Variants in SLC1A1 observed in about 807,000 individuals in gnomAD.
SLC1A1 encodes solute carrier family 1 member 1.
In SLC1A1, 43 loss-of-function variants were observed where a neutral mutation model predicts 53.3. The ratio of observed to expected loss-of-function variants is 0.81; its 90% confidence interval spans 0.63 to 1.04. SLC1A1 has a LOEUF of 1.04. Among genes scored for constraint, SLC1A1 ranks in the 50% least tolerant of loss-of-function variants. The pLI is 0.00. For synonymous variants in SLC1A1, 307 were observed against 243.2 expected (o/e 1.26, Z -2.44); for missense variants, 748 against 664.9 (o/e 1.12, Z -1.37).
At chr9:4,518,588 C>T (rs1728801604) in intron 1 of SLC1A1, among the ~76,000 whole-genome samples, 1 of 152,146 alleles carries the variant, frequency 6.6e-6, no homozygotes, top group Non-Finnish European at 1.5e-5. Flanking sequence ...CTTTCATTTG[C>T]TTAGAATCTG....
chr9:4,517,380 G>C (rs993671302), intron 1 of SLC1A1, among the ~76,000 whole-genome samples: 1 of 152,154 alleles, frequency 6.6e-6, no homozygotes, highest in Non-Finnish European at 1.5e-5. Context: ...CTGCCTACTA[G>C]AATACAATTT....
At chr9:4,495,365 A>G (rs1012644178) in intron 1 of SLC1A1, among the ~76,000 whole-genome samples, 1 of 152,234 alleles carries the variant, frequency 6.6e-6, no homozygotes, top group Non-Finnish European at 1.5e-5. Flanking sequence ...CAGCCGGGTC[A>G]CACAGCATGT....
At position 4,574,021 on chromosome 9, in the gene SLC1A1, C is replaced by CA; in HGVS notation, c.875+8dup. 7 of 1,575,180 alleles carry CA rather than the reference C, an allele frequency of 4.4e-6. No homozygotes were observed. Among genetic ancestry groups the CA allele is most frequent in the Non-Finnish European group, 5.2e-6 (6 of 1,144,552 alleles). On this transcript the variant is annotated splice_region_variant and intron_variant, in intron 8 of 11. Transcript: ENST00000262352. ...TGGCCACAGTCCTGACTGGGTATGT[C>CA]AGACTCAAGAGAAGAGACAGAAACC...
At position 4,567,707 on chromosome 9, in the gene SLC1A1, T is replaced by C. The variant is rs777850698; in HGVS notation, c.522T>C (p.Asp174=). Residue 174 remains aspartate, a synonymous_variant, in exon 6 of 12, where the codon GAT becomes GAC. Transcript: ENST00000262352. ...GTGAAGAAGTGAAGCCTCCCAGCGA[T>C]CCAGAGATGAACATGACAGAAGAGT... The part of the protein sequence containing the change: ...TKREEVKPPS[D]PEMNMTEESF... The C allele has an allele frequency of 6.2e-7, 1 of 1,613,564 alleles. No individual in the cohort carries two copies. Among genetic ancestry groups the C allele is most frequent in the Non-Finnish European group, 8.5e-7 (1 of 1,179,592 alleles).
At position 4,556,634 on chromosome 9, in the gene SLC1A1, G is replaced by A. The variant is rs758333039; in HGVS notation, c.233-4815G>A. ...TTTTACTTGTTTGGGACTAAGTTGG[G>A]CCTGATCTTCGACGTCAACGCCAGT... On this transcript the variant is annotated intron_variant, in intron 2 of 11. Transcript: ENST00000262352. This position sits in a 1 kb window ranked among gnomAD's most constrained non-coding sequence, Gnocchi z 4.1. Among the ~76,000 whole-genome samples the A allele has an allele frequency of 6.6e-6, 1 of 152,152 alleles. No individual in the cohort carries two copies. Among genetic ancestry groups the A allele is most frequent in the South Asian group, 2.1e-4 (1 of 4,826 alleles).
At chr9:4,497,946 T>C (rs759440605) in intron 1 of SLC1A1, among the ~76,000 whole-genome samples, 3 of 152,254 alleles carry the variant, frequency 2.0e-5, no homozygotes, top group African/African-American at 4.8e-5. Context: ...GGTAGTGGAC[T>C]ATCTGGTATG....
At chr9:4,502,073 G>C (rs960679544) in intron 1 of SLC1A1, among the ~76,000 whole-genome samples, 2 of 151,504 alleles carry the variant, frequency 1.3e-5, no homozygotes, top group African/African-American at 2.4e-5. Flanking sequence ...GAGCCACTTA[G>C]CAGGTTTCAT....
intron 1 of SLC1A1, among the ~76,000 whole-genome samples, chr9:4,514,930 T>C (rs190646971): frequency 5.9e-5 from 9 of 152,090 alleles, no homozygotes; most frequent in African/African-American, 1.4e-4. Flanking sequence ...TACATTACAG[T>C]GTAAAGGCCA....
chr9:4,558,333 G>A (rs945829200), intron 2 of SLC1A1, among the ~76,000 whole-genome samples: 1 of 152,164 alleles, frequency 6.6e-6, no homozygotes, highest in Non-Finnish European at 1.5e-5. Context: ...CTATAGAGTG[G>A]TAACTATACA....
At chr9:4,559,525 G>C (rs1305495313) in intron 2 of SLC1A1, among the ~76,000 whole-genome samples, 1 of 149,884 alleles carries the variant, frequency 6.7e-6, no homozygotes, top group African/African-American at 2.4e-5. Context: ...TTATATATGA[G>C]AAGCATAAAC....
intron 10 of SLC1A1, among the ~76,000 whole-genome samples, chr9:4,580,597 AT>A (rs1820974531): frequency 1.9e-5 from 1 of 53,682 alleles, no homozygotes; most frequent in Admixed American, 2.4e-4. Flanking sequence ...AAAAAAAAAT[AT>A]ATATGTGTGT....
At chr9:4,546,925 C>T (rs1260322380) in intron 2 of SLC1A1, among the ~76,000 whole-genome samples, 1 of 152,204 alleles carries the variant, frequency 6.6e-6, no homozygotes, top group Non-Finnish European at 1.5e-5. Flanking sequence ...GGTGCATAAA[C>T]CACCTGATGA....
chr9:4,555,547 C>T (rs938343988), intron 2 of SLC1A1, among the ~76,000 whole-genome samples: 21 of 152,190 alleles, frequency 1.4e-4, no homozygotes, highest in African/African-American at 4.6e-4. Flanking sequence ...GAGCCTTCTC[C>T]TGAGGTGAAA....
chr9:4,538,564 T>G (rs1281167967), intron 1 of SLC1A1, among the ~76,000 whole-genome samples: 1 of 152,314 alleles, frequency 6.6e-6, no homozygotes, highest in East Asian at 1.9e-4. Context: ...AATACAACCT[T>G]GGATGTATTT....
At chr9:4,554,114 T>C (rs1300013266) in intron 2 of SLC1A1, 1 of 152,186 alleles carries the variant, frequency 6.6e-6, no homozygotes, top group Non-Finnish European at 1.5e-5. Flanking sequence ...TCTTTAGAGA[T>C]AAGGAAACAG....
chr9:4,510,624 C>T (rs1820970188), intron 1 of SLC1A1, among the ~76,000 whole-genome samples: 1 of 152,232 alleles, frequency 6.6e-6, no homozygotes, highest in Admixed American at 6.5e-5. Context: ...AAGCAAGACT[C>T]TTCCCTGGTG....
At chr9:4,516,966 G>A (rs1221874065) in intron 1 of SLC1A1, among the ~76,000 whole-genome samples, 1 of 152,184 alleles carries the variant, frequency 6.6e-6, no homozygotes, top group Non-Finnish European at 1.5e-5. Context: ...CTTTATGGAA[G>A]AAACAGAACT....
At chr9:4,568,515 G>A (rs779664415) in intron 6 of SLC1A1, among the ~76,000 whole-genome samples, 1 of 151,760 alleles carries the variant, frequency 6.6e-6, no homozygotes, top group Non-Finnish European at 1.5e-5. Context: ...GAAACCAGGA[G>A]TTTGAGACCG....
chr9:4,568,538 T>C (rs188282105), intron 6 of SLC1A1, among the ~76,000 whole-genome samples: 4 of 151,732 alleles, frequency 2.6e-5, no homozygotes, highest in Non-Finnish European at 5.9e-5. Flanking sequence ...CTGGGAAATA[T>C]AGTGAGACCC....
Sources: allele counts gnomAD v4.1 joint callset (sites outside exome capture counted in the v4.1 genomes callset), GRCh38; gene constraint gnomAD v4.1.1; non-coding constraint Gnocchi (gnomAD v3.1); transcripts MANE v1.5; gene names NCBI Gene and HGNC (gene_info 2026-07-23, HGNC 2026-07-21).